STK32B: variants seen among roughly 807,000 people sequenced by gnomAD.
STK32B encodes the protein serine/threonine kinase 32B.
Under a neutral mutation model 52.6 loss-of-function variants are expected in STK32B, and 43 were observed. The ratio of observed to expected loss-of-function variants is 0.82; its 90% CI spans 0.64 to 1.05. The LOEUF (loss-of-function observed/expected upper bound fraction) is 1.05, where lower values mean the gene tolerates loss of function less well. Among genes scored for constraint, STK32B ranks in the 50% least tolerant of loss-of-function variants. The pLI, the probability that STK32B is intolerant of heterozygous loss-of-function variation, is 0.00. For missense variants in STK32B, 621 were observed against 534.6 expected (o/e 1.16, Z -1.59); for synonymous variants, 238 against 204.3 (o/e 1.17, Z -1.41).
intron 7 of STK32B, among the ~76,000 whole-genome samples, chr4:5,455,374 GGT>G (rs1175830239): frequency 6.6e-6 from 1 of 152,236 alleles, no homozygotes; most frequent in Non-Finnish European, 1.5e-5. Context: ...AACCTGGGAG[GGT>G]GGCCAGTAAG....
intron 3 of STK32B, among the ~76,000 whole-genome samples, chr4:5,207,791 G>T (rs1256773421): frequency 1.3e-5 from 2 of 151,814 alleles, no homozygotes; most frequent in East Asian, 2.0e-4. Flanking sequence ...ATCACTTTTT[G>T]CTGCCTGCTT....
intron 3 of STK32B, among the ~76,000 whole-genome samples, chr4:5,185,396 G>T (rs1480837527): frequency 6.6e-6 from 1 of 152,168 alleles, no homozygotes; most frequent in African/African-American, 2.4e-5. Context: ...TCAGTACACG[G>T]ATATCTACCT....
intron 6 of STK32B, among the ~76,000 whole-genome samples, chr4:5,417,523 TC>T (rs1712263051): frequency 6.6e-6 from 1 of 152,134 alleles, no homozygotes; most frequent in Non-Finnish European, 1.5e-5. Context: ...ATTTCTCTTC[TC>T]CCAAGGCATT....
intron 4 of STK32B, among the ~76,000 whole-genome samples, chr4:5,383,766 G>T (rs563364033): frequency 2.0e-5 from 3 of 152,182 alleles, no homozygotes; most frequent in Admixed American, 6.5e-5. Context: ...GACCTCTGGG[G>T]CTGTGTCTGA....
At chr4:5,100,802 C>CTCT (rs370694195) in intron 1 of STK32B, among the ~76,000 whole-genome samples, 3 of 6,906 alleles carry the variant, frequency 4.3e-4, no homozygotes, top group African/African-American at 4.1e-4. Context: ...ATTCCTTCCC[C>CTCT]TTCCTTCCTT....
intron 1 of STK32B, among the ~76,000 whole-genome samples, chr4:5,060,512 T>C (rs1274843889): frequency 6.6e-6 from 1 of 152,280 alleles, no homozygotes; most frequent in Non-Finnish European, 1.5e-5. Context: ...TTTTTAAAAA[T>C]AGTTTTCTTC....
chr4:5,259,853 T>C (rs1726582197), intron 3 of STK32B, among the ~76,000 whole-genome samples: 1 of 152,058 alleles, frequency 6.6e-6, no homozygotes, highest in Non-Finnish European at 1.5e-5. Flanking sequence ...ACACAGAGTT[T>C]GGAGCTTATA....
At chr4:5,252,274 A>G (rs1725988223) in intron 3 of STK32B, among the ~76,000 whole-genome samples, 1 of 152,220 alleles carries the variant, frequency 6.6e-6, no homozygotes, top group African/African-American at 2.4e-5. Flanking sequence ...GCTCTCCACC[A>G]TGTTTTAGGG....
At chr4:5,032,425 C>A in the STK32B span, among the ~76,000 whole-genome samples, 2 of 137,808 alleles carry the variant, frequency 1.5e-5, no homozygotes, top group East Asian at 4.3e-4. Flanking sequence ...GGCAGTTAGC[C>A]GAGATTGTGC....
At chr4:5,219,018 G>A (rs1346757107) in intron 3 of STK32B, among the ~76,000 whole-genome samples, 1 of 152,190 alleles carries the variant, frequency 6.6e-6, no homozygotes, top group Admixed American at 6.5e-5. Flanking sequence ...CAAATTGTGG[G>A]GCCTGGAGAG....
intron 4 of STK32B, among the ~76,000 whole-genome samples, chr4:5,365,131 C>A (rs969247719): frequency 1.3e-5 from 2 of 152,072 alleles, no homozygotes; most frequent in Non-Finnish European, 1.5e-5. Flanking sequence ...CCACCTCGGC[C>A]CCCCCAAAGT....
At chr4:5,387,826 C>T (rs1051959054) in intron 4 of STK32B, among the ~76,000 whole-genome samples, 3 of 152,196 alleles carry the variant, frequency 2.0e-5, no homozygotes, top group African/African-American at 7.2e-5. Flanking sequence ...CTCACCGCAA[C>T]CTCCGCCTCC....
At chr4:5,125,193 C>CT (rs1715286765) in intron 1 of STK32B, among the ~76,000 whole-genome samples, 1 of 142,880 alleles carries the variant, frequency 7.0e-6, no homozygotes, top group Non-Finnish European at 1.6e-5. Context: ...ACAAGAGCAG[C>CT]TTGGTCAACA....
At position 5,289,685 on chromosome 4, in the gene STK32B, ATTTTTTTT is replaced by A. The variant is rs56211807; in HGVS notation, c.261-41512_261-41505del. The stretch of plus-strand genomic sequence containing the variant: ...AGGCACCCACCACCATGCCCGGCTA[ATTTTTTTT>A]TTTTTTTTTTTTTTTTTTTTTTGCT... On this transcript the variant is annotated intron_variant, in intron 3 of 11. Coordinates refer to ENST00000282908, the MANE Select transcript of STK32B (RefSeq NM_018401.3). Among the ~76,000 whole-genome samples, 859 of 86,892 alleles carry A rather than the reference ATTTTTTTT, an allele frequency of 9.9e-3. 10 individuals carry two copies. The highest frequency in any genetic ancestry group is 0.029 in the African/African-American group (679 of 23,562). 57.0% of individuals were successfully genotyped at this position (86,892 alleles called of 152,430 possible). A position where few individuals can be genotyped will look rare whatever the true frequency, so the allele number is the denominator to read the frequency against.
At chr4:5,078,039 C>G (rs756703458) in intron 1 of STK32B, among the ~76,000 whole-genome samples, 3 of 152,152 alleles carry the variant, frequency 2.0e-5, no homozygotes, top group Non-Finnish European at 4.4e-5. Flanking sequence ...CATCTCTTCT[C>G]TCAACGTCTT....
At chr4:5,196,530 G>A (rs1338764155) in intron 3 of STK32B, among the ~76,000 whole-genome samples, 1 of 151,668 alleles carries the variant, frequency 6.6e-6, no homozygotes, top group Non-Finnish European at 1.5e-5. Flanking sequence ...AGACCAACCT[G>A]ACCAACATGG....
chr4:5,029,342 A>T, the STK32B span, among the ~76,000 whole-genome samples: 5 of 152,308 alleles, frequency 3.3e-5, no homozygotes, highest in African/African-American at 9.6e-5. Flanking sequence ...GCAATCACAC[A>T]AACACTTTTA....
At chr4:5,256,026 G>C (rs1577253640) in intron 3 of STK32B, among the ~76,000 whole-genome samples, 1 of 152,114 alleles carries the variant, frequency 6.6e-6, no homozygotes, top group South Asian at 2.1e-4. Flanking sequence ...TGACTATACT[G>C]AATCTAAATG....
intron 3 of STK32B, among the ~76,000 whole-genome samples, chr4:5,210,797 C>CTT (rs373764187): frequency 6.8e-4 from 97 of 143,028 alleles, no homozygotes; most frequent in African/African-American, 2.0e-3. Flanking sequence ...TTTAGAAATA[C>CTT]TTTTTTTTTT....
Sources: allele counts gnomAD v4.1 joint callset (sites outside exome capture counted in the v4.1 genomes callset), GRCh38; gene constraint gnomAD v4.1.1; transcripts MANE v1.5; gene names NCBI Gene and HGNC (gene_info 2026-07-23, HGNC 2026-07-21).